NTRK3: variants seen among roughly 807,000 people sequenced by gnomAD.
The protein encoded by NTRK3 is neurotrophic receptor tyrosine kinase 3.
A neutral mutation model predicts 91.7 loss-of-function variants in NTRK3; 24 were observed. The observed-to-expected ratio is 0.26, with a 90% CI of 0.19 to 0.37. The LOEUF is 0.37. Among genes scored for constraint, NTRK3 ranks in the 10% least tolerant of loss-of-function variants. The pLI, the probability that NTRK3 is intolerant of heterozygous loss-of-function variation, is 1.00. For missense variants in NTRK3, 880 were observed against 1,068.9 expected (o/e 0.82, Z 2.46); for synonymous variants, 483 against 404.0 (o/e 1.20, Z -2.34).
intron 3 of NTRK3, among the ~76,000 whole-genome samples, chr15:88,242,131 T>C (rs2052416395): frequency 6.6e-6 from 1 of 152,246 alleles, no homozygotes; most frequent in African/African-American, 2.4e-5. Flanking sequence ...CCTCCCTCCC[T>C]GTCTCACTTC....
exon 19 of NTRK3, chr15:87,867,600 G>A (rs1337182941): frequency 8.7e-6 from 2 of 228,946 alleles, no homozygotes; most frequent in African/African-American, 4.4e-5. Flanking sequence ...GTTGTCAGAT[G>A]CCCACATTAA....
chr15:88,008,881 C>A (rs572857978), intron 14 of NTRK3, among the ~76,000 whole-genome samples: 11 of 152,312 alleles, frequency 7.2e-5, no homozygotes, highest in African/African-American at 2.6e-4. Flanking sequence ...TGGAAGATTC[C>A]CTTTCCATTA....
At chr15:88,099,154 G>T (rs2049926542) in intron 13 of NTRK3, 1 of 230,902 alleles carries the variant, frequency 4.3e-6, no homozygotes, top group South Asian at 1.8e-4. Flanking sequence ...AGGAGGCTGT[G>T]AGAGGCTCCA....
chr15:88,032,815 C>T, intron 14 of NTRK3, 42 bp downstream of exon 14: 1 of 1,605,774 alleles, frequency 6.2e-7, no homozygotes. Context: ...ACCAACCACC[C>T]TCCCCTCCCC....
At chr15:88,211,682 T>C (rs1437587112) in intron 3 of NTRK3, among the ~76,000 whole-genome samples, 3 of 152,212 alleles carry the variant, frequency 2.0e-5, no homozygotes, top group African/African-American at 4.8e-5. Flanking sequence ...AGGCACTGAA[T>C]GTGGCCACAG....
chr15:88,249,021 G>T (rs2053107526), intron 3 of NTRK3, among the ~76,000 whole-genome samples: 1 of 152,190 alleles, frequency 6.6e-6, no homozygotes, highest in Non-Finnish European at 1.5e-5. Flanking sequence ...GAGAGGCCAT[G>T]CCTGGAGGAG....
chr15:88,238,124 A>C (rs1295761698), intron 3 of NTRK3, among the ~76,000 whole-genome samples: 1 of 152,190 alleles, frequency 6.6e-6, no homozygotes, highest in Non-Finnish European at 1.5e-5. Flanking sequence ...TCTGCAAGCC[A>C]TGGAGGGAGG....
chr15:87,896,526 A>G (rs970888711), intron 17 of NTRK3, among the ~76,000 whole-genome samples: 1 of 151,792 alleles, frequency 6.6e-6, no homozygotes, highest in African/African-American at 2.4e-5. Flanking sequence ...ATGTATATAT[A>G]TTACAGAGTT....
exon 7 of NTRK3, chr15:88,137,412 C>A: frequency 6.2e-7 from 1 of 1,613,824 alleles, no homozygotes; most frequent in East Asian, 2.2e-5. Flanking sequence ...ACCACACTGA[C>A]TGATGTTCAT....
chr15:88,227,972 C>G (rs2050828255), intron 3 of NTRK3, among the ~76,000 whole-genome samples: 1 of 152,124 alleles, frequency 6.6e-6, no homozygotes, highest in African/African-American at 2.4e-5. Flanking sequence ...TGGCTTCAGC[C>G]CTCACCTCTA....
chr15:87,981,082 G>T, intron 14 of NTRK3: 1 of 1,290,038 alleles, frequency 7.8e-7, no homozygotes, highest in Non-Finnish European at 1.1e-6. Context: ...GATTTTTTTA[G>T]TACCAAATCC....
At chr15:88,229,659 C>T (rs1226509349) in intron 3 of NTRK3, among the ~76,000 whole-genome samples, 2 of 152,208 alleles carry the variant, frequency 1.3e-5, no homozygotes, top group Non-Finnish European at 2.9e-5. Flanking sequence ...GTACCAGCAT[C>T]CCTGAGGTCC....
intron 15 of NTRK3, 23 bp from the exon 16 acceptor site, chr15:87,933,207 G>T: frequency 6.2e-7 from 1 of 1,613,736 alleles, no homozygotes; most frequent in Non-Finnish European, 8.5e-7. Context: ...CAGGACACAG[G>T]TGTTTAACAA....
At chr15:88,043,001 T>C (rs1478203601) in intron 13 of NTRK3, among the ~76,000 whole-genome samples, 1 of 152,242 alleles carries the variant, frequency 6.6e-6, no homozygotes, top group East Asian at 1.9e-4. Flanking sequence ...CTTTACTCTC[T>C]TGAAATTCAT....
chr15:87,951,252 G>A (rs2141113319), intron 14 of NTRK3, among the ~76,000 whole-genome samples: 1 of 152,282 alleles, frequency 6.6e-6, no homozygotes, highest in South Asian at 2.1e-4. Flanking sequence ...TCCTCAGAAT[G>A]TCTATTCCTT....
exon 6 of NTRK3, chr15:88,147,372 A>G (rs2042981192): frequency 1.2e-6 from 2 of 1,613,748 alleles, no homozygotes; most frequent in South Asian, 1.1e-5. Flanking sequence ...AGCTGCCACG[A>G]GAGTGTGGTG....
chr15:88,012,092 C>T (rs138042698), intron 14 of NTRK3, among the ~76,000 whole-genome samples: 1 of 152,302 alleles, frequency 6.6e-6, no homozygotes, highest in African/African-American at 2.4e-5. Context: ...CACCCTGTAC[C>T]CTACGGCCTT....
intron 5 of NTRK3, among the ~76,000 whole-genome samples, chr15:88,154,710 G>T (rs2043722562): frequency 6.6e-6 from 1 of 152,142 alleles, no homozygotes; most frequent in African/African-American, 2.4e-5. Flanking sequence ...GCTCTACCAG[G>T]GTTTCCCAGA....
At chr15:88,153,712 T>C (rs1474994800) in intron 5 of NTRK3, among the ~76,000 whole-genome samples, 1 of 151,998 alleles carries the variant, frequency 6.6e-6, no homozygotes, top group African/African-American at 2.4e-5. Flanking sequence ...GGGCAGCAGA[T>C]TCAAGGATCC....
Sources: gnomAD v4.1 joint callset for allele counts (sites outside exome capture counted in the v4.1 genomes callset) on GRCh38, gnomAD v4.1.1 for gene constraint, MANE v1.5 for transcripts, NCBI Gene and HGNC (gene_info 2026-07-23, HGNC 2026-07-21) for gene names.